Variants in DLG2 observed in about 807,000 individuals in gnomAD.
DLG2 encodes the protein disks large homolog 2.
DLG2 carries 45 observed loss-of-function variants against 132.5 expected under a neutral mutation model. The ratio of observed to expected loss-of-function variants is 0.34; its 90% CI spans 0.27 to 0.44. The LOEUF (loss-of-function observed/expected upper bound fraction) is 0.44. DLG2 is among the 20% of genes least tolerant of loss of function. DLG2 has a pLI of 1.00. For synonymous variants in DLG2, 424 were observed against 419.6 expected, an observed-to-expected ratio of 1.01 and a Z score of -0.13; for missense variants, 1,045 against 1,196.9, an observed-to-expected ratio of 0.87 and a Z score of 1.87.
intron 6 of DLG2, among the ~76,000 whole-genome samples, chr11:84,611,597 T>C (rs932052001): frequency 2.6e-5 from 4 of 152,204 alleles, no homozygotes; most frequent in African/African-American, 7.2e-5. Context: ...GTGGCCCAAG[T>C]GGTGATGCCA....
chr11:85,485,287 G>T (rs1044569836), intron 3 of DLG2, among the ~76,000 whole-genome samples: 46 of 144,660 alleles, frequency 3.2e-4, no homozygotes, highest in South Asian at 1.1e-3. Context: ...CACCAGCATG[G>T]CACATGTATA....
Position 83,582,658 on chromosome 11 carries a change from T to G in DLG2, c.1941-40800A>C, listed in dbSNP as rs1438107979. On this transcript the variant is annotated intron_variant, in intron 19 of 27. Coordinates refer to ENST00000376104, the MANE Select transcript of DLG2 (RefSeq NM_001142699.3). ...GTTGTATTTGTGGGATATATAAGTCTGCTATAGGCCTTAGTAGATAAGATT... is the reference window on the plus strand; with the variant it reads ...GTTGTATTTGTGGGATATATAAGTCGGCTATAGGCCTTAGTAGATAAGATT... 2.0e-5 allele frequency among the ~76,000 whole-genome samples: 3 copies of G among 152,232 alleles called. No homozygotes were observed. In the South Asian group the frequency reaches 6.2e-4, roughly 32 times the overall value.
At chr11:84,970,195 T>G (rs2053889588) in intron 6 of DLG2, among the ~76,000 whole-genome samples, 1 of 152,088 alleles carries the variant, frequency 6.6e-6, no homozygotes, top group African/African-American at 2.4e-5. Context: ...GAAATATACC[T>G]TCTTTCCATT....
chr11:85,025,236 G>A (rs375712602), intron 6 of DLG2, among the ~76,000 whole-genome samples: 1 of 152,124 alleles, frequency 6.6e-6, no homozygotes, highest in African/African-American at 2.4e-5. Context: ...GGGAATGCTA[G>A]CAAATTTATT....
intron 6 of DLG2, among the ~76,000 whole-genome samples, chr11:84,541,525 G>C (rs1157540242): frequency 6.6e-6 from 1 of 151,978 alleles, no homozygotes; most frequent in Admixed American, 6.6e-5. Context: ...ATAGTGTTCT[G>C]CACAGGATTT....
chr11:83,547,308 C>T (rs2096266289), intron 19 of DLG2, among the ~76,000 whole-genome samples: 1 of 152,052 alleles, frequency 6.6e-6, no homozygotes, highest in African/African-American at 2.4e-5. Flanking sequence ...CACTTTAATT[C>T]TCAGAGTCTA....
intron 3 of DLG2, among the ~76,000 whole-genome samples, chr11:85,337,768 C>T (rs1260411325): frequency 6.6e-6 from 1 of 152,188 alleles, no homozygotes; most frequent in East Asian, 1.9e-4. Context: ...TTCACAATGA[C>T]AAAACTGCCT....
At chr11:85,546,627 A>C (rs551581195) in intron 3 of DLG2, among the ~76,000 whole-genome samples, 1 of 152,194 alleles carries the variant, frequency 6.6e-6, no homozygotes, top group South Asian at 2.1e-4. Flanking sequence ...TGGGAGTCTA[A>C]ATCTCTTTGT....
intron 6 of DLG2, among the ~76,000 whole-genome samples, chr11:84,680,251 C>G (rs900225078): frequency 5.9e-5 from 9 of 152,092 alleles, no homozygotes; most frequent in Admixed American, 5.9e-4. Flanking sequence ...GCTGTTTTCA[C>G]CAGTTATGTC....
intron 7 of DLG2, among the ~76,000 whole-genome samples, chr11:84,455,380 GA>G (rs1159027808): frequency 2.0e-5 from 3 of 151,326 alleles, no homozygotes; most frequent in Admixed American, 6.6e-5. Context: ...TTTTGGTGTA[GA>G]AAAAGACTTA....
At chr11:84,946,051 G>A (rs907148493) in intron 6 of DLG2, among the ~76,000 whole-genome samples, 6 of 150,620 alleles carry the variant, frequency 4.0e-5, no homozygotes, top group Non-Finnish European at 7.5e-5. Flanking sequence ...CAAGGCCGGA[G>A]GGCTCTTCGG....
chr11:83,751,328 G>A (rs1235556591), intron 18 of DLG2, among the ~76,000 whole-genome samples: 1 of 152,160 alleles, frequency 6.6e-6, no homozygotes, highest in Non-Finnish European at 1.5e-5. Context: ...AAGTCAGAGA[G>A]TAAATGGGAA....
At chr11:84,742,183 T>A (rs988865353) in intron 6 of DLG2, among the ~76,000 whole-genome samples, 7 of 152,132 alleles carry the variant, frequency 4.6e-5, no homozygotes, top group African/African-American at 1.7e-4. Flanking sequence ...ATATTTACCT[T>A]CTTTGCATTC....
chr11:84,675,367 G>A (rs1281430149), intron 6 of DLG2, among the ~76,000 whole-genome samples: 1 of 152,112 alleles, frequency 6.6e-6, no homozygotes, highest in East Asian at 1.9e-4. Flanking sequence ...TGCCATTACT[G>A]TTAGGGAATA....
At chr11:84,380,707 T>C (rs2098746349) in intron 7 of DLG2, among the ~76,000 whole-genome samples, 1 of 151,868 alleles carries the variant, frequency 6.6e-6, no homozygotes, top group African/African-American at 2.4e-5. Context: ...GGAAGAAGAC[T>C]GTAAAAAACA....
intron 8 of DLG2, chr11:84,166,738 T>C (rs1207974726): frequency 5.8e-6 from 2 of 344,338 alleles, no homozygotes; most frequent in Non-Finnish European, 1.2e-5. Context: ...TAATCTTGTG[T>C]ATCCTCACTC....
Position 85,144,386 on chromosome 11 carries a change from T to C in DLG2, c.282+10170A>G, listed in dbSNP as rs529111407. Reference sequence around the variant, plus strand: ...TTTTTATCAGTTTAGCCACTTTATGTTTTTCATTGGAAAGTTTAGTCCATT... The same window carrying C: ...TTTTTATCAGTTTAGCCACTTTATGCTTTTCATTGGAAAGTTTAGTCCATT... On this transcript the variant is annotated intron_variant, in intron 5 of 27. Coordinates refer to ENST00000376104, the MANE Select transcript of DLG2 (RefSeq NM_001142699.3). Among the ~76,000 whole-genome samples the C allele has an allele frequency of 9.9e-5, 15 of 151,620 alleles. 1 individual carries two copies. In the East Asian group the frequency reaches 2.7e-3, roughly 27 times the overall value.
chr11:83,643,519 T>C (rs1312364976), intron 18 of DLG2: 1 of 152,208 alleles, frequency 6.6e-6, no homozygotes, highest in Non-Finnish European at 1.5e-5. Flanking sequence ...CTGCATCCAC[T>C]AGGTAAGAAA....
intron 7 of DLG2, among the ~76,000 whole-genome samples, chr11:84,258,143 G>A (rs1490067699): frequency 2.0e-5 from 3 of 152,154 alleles, no homozygotes; most frequent in East Asian, 3.9e-4. Context: ...CCTGTAGGAG[G>A]CATGCCTAGG....
Sources: allele counts gnomAD v4.1 joint callset (sites outside exome capture counted in the v4.1 genomes callset), GRCh38; gene constraint gnomAD v4.1.1; transcripts MANE v1.5; gene names NCBI Gene and HGNC (gene_info 2026-07-23, HGNC 2026-07-21).